Variants in L3MBTL4 observed in about 807,000 individuals in gnomAD.
L3MBTL4 encodes lethal(3)malignant brain tumor-like protein 4.
In L3MBTL4, 70 loss-of-function variants were observed where a neutral mutation model predicts 84.5. The observed-to-expected ratio is 0.83, with a 90% CI of 0.68 to 1.01. The LOEUF is 1.01. Ranked by LOEUF, L3MBTL4 falls within the 50% of genes least tolerant of loss-of-function variation. The pLI is 0.00. For synonymous variants in L3MBTL4, 274 were observed against 259.8 expected, an observed-to-expected ratio of 1.05 and a Z score of -0.52; for missense variants, 715 against 754.8, an observed-to-expected ratio of 0.95 and a Z score of 0.62.
intron 12 of L3MBTL4, among the ~76,000 whole-genome samples, chr18:6,198,832 A>G (rs1286555087): frequency 6.6e-6 from 1 of 152,206 alleles, no homozygotes; most frequent in African/African-American, 2.4e-5. Flanking sequence ...CTGAACTCAG[A>G]CATGTTCTCT....
intron 14 of L3MBTL4, among the ~76,000 whole-genome samples, chr18:6,119,172 G>A (rs1298585604): frequency 1.4e-5 from 2 of 146,494 alleles, no homozygotes; most frequent in Non-Finnish European, 3.0e-5. Flanking sequence ...GAGAGCACTG[G>A]TTTATTTGCC....
intron 12 of L3MBTL4, among the ~76,000 whole-genome samples, chr18:6,181,693 T>A (rs1000647167): frequency 2.0e-5 from 3 of 151,442 alleles, no homozygotes; most frequent in African/African-American, 7.4e-5. Context: ...GGCCCCAGCA[T>A]CTCTTGTTCT....
At chr18:5,956,482 C>T in intron 18 of L3MBTL4, 95 bp from the exon 19 acceptor site, 1 of 1,122,194 alleles carries the variant, frequency 8.9e-7, no homozygotes, top group Admixed American at 1.9e-5. Flanking sequence ...GATGTGGAAC[C>T]CGTCATAGCC....
At chr18:6,170,669 C>A (rs1161912002) in intron 13 of L3MBTL4, among the ~76,000 whole-genome samples, 1 of 152,094 alleles carries the variant, frequency 6.6e-6, no homozygotes, top group Non-Finnish European at 1.5e-5. Flanking sequence ...CTGGTCCACG[C>A]CTACCCCAGC....
intron 4 of L3MBTL4, among the ~76,000 whole-genome samples, chr18:6,279,232 A>G (rs1482877398): frequency 6.6e-6 from 1 of 152,200 alleles, no homozygotes; most frequent in Admixed American, 6.5e-5. Context: ...GAGAGTGAAG[A>G]ATTGATAAAA....
At chr18:6,332,333 T>C (rs1012409943) in intron 1 of L3MBTL4, among the ~76,000 whole-genome samples, 2 of 152,148 alleles carry the variant, frequency 1.3e-5, no homozygotes, top group African/African-American at 2.4e-5. Flanking sequence ...GGGCTGCTCA[T>C]AGAATACAAT....
chr18:6,414,510 G>T lies in L3MBTL4; in HGVS notation c.-91+291C>A, dbSNP rs929011303. Among the ~76,000 whole-genome samples the T allele has an allele frequency of 6.6e-6, 1 of 152,106 alleles. No homozygotes were observed. Among genetic ancestry groups the T allele is most frequent in the African/African-American group, 2.4e-5 (1 of 41,534 alleles). ...CCCGACCCTGCCCTCGCGGCTGACCGAGGCGCCGGGCTCTGCGGCGGCCGC... is the reference window on the plus strand; with the variant it reads ...CCCGACCCTGCCCTCGCGGCTGACCTAGGCGCCGGGCTCTGCGGCGGCCGC... On this transcript the variant is annotated intron_variant, in intron 1 of 18. Coordinates refer to ENST00000317931, the MANE Select transcript of L3MBTL4 (RefSeq NM_001330559.2). This position sits in a 1 kb window ranked among gnomAD's most constrained non-coding sequence, Gnocchi z 5.4.
chr18:6,357,825 A>T (rs956488013), intron 1 of L3MBTL4, among the ~76,000 whole-genome samples: 4 of 152,230 alleles, frequency 2.6e-5, no homozygotes, highest in African/African-American at 7.2e-5. Context: ...AGCTATCACA[A>T]TGAAATTACT....
At chr18:6,259,084 G>T (rs1296192761) in intron 5 of L3MBTL4, 1 of 152,268 alleles carries the variant, frequency 6.6e-6, no homozygotes, top group Non-Finnish European at 1.5e-5. Context: ...GGGGAAGCAG[G>T]TGTGCACCTG....
rs1568418311 is a variant in L3MBTL4 at position 6,272,389 on chromosome 18, ACGGGGAAAGGGGGAG to A, written c.128-8366_128-8352del. The stretch of plus-strand genomic sequence containing the variant: ...AGGTCACAGCGACGCCTTCAGGAGC[ACGGGGAAAGGGGGAG>A]TTGTGCAGATTCAACTAGGACTGAA... On this transcript the variant is annotated intron_variant, in intron 4 of 18. Coordinates refer to ENST00000317931, the MANE Select transcript of L3MBTL4 (RefSeq NM_001330559.2). 5.3e-4 allele frequency among the ~76,000 whole-genome samples: 79 copies of A among 149,724 alleles called. 1 individual carries two copies. Among genetic ancestry groups the A allele is most frequent in the Middle Eastern group, 3.8e-3 (1 of 260 alleles).
At chr18:6,214,688 T>C (rs2046251564) in intron 11 of L3MBTL4, among the ~76,000 whole-genome samples, 2 of 152,210 alleles carry the variant, frequency 1.3e-5, no homozygotes, top group Non-Finnish European at 2.9e-5. Context: ...ATTAGGTCTT[T>C]CATCCCGGAG....
chr18:5,987,421 C>T (rs1349864066), intron 16 of L3MBTL4, among the ~76,000 whole-genome samples: 1 of 152,250 alleles, frequency 6.6e-6, no homozygotes, highest in East Asian at 1.9e-4. Flanking sequence ...GGAATGTACT[C>T]GCAAACCCCA....
intron 5 of L3MBTL4, chr18:6,259,417 G>A (rs764319454): frequency 1.3e-5 from 2 of 152,160 alleles, no homozygotes; most frequent in African/African-American, 2.4e-5. Flanking sequence ...ATTCTGGCTT[G>A]TGTGAGATGG....
intron 12 of L3MBTL4, among the ~76,000 whole-genome samples, chr18:6,205,614 T>C (rs756458341): frequency 5.9e-5 from 9 of 152,204 alleles, no homozygotes; most frequent in Non-Finnish European, 1.2e-4. Flanking sequence ...AATCTACTCA[T>C]CCTCTTCTCA....
intron 16 of L3MBTL4, among the ~76,000 whole-genome samples, chr18:5,983,862 G>A (rs2053348902): frequency 6.6e-6 from 1 of 152,178 alleles, no homozygotes; most frequent in Non-Finnish European, 1.5e-5. Context: ...ATGATACAGT[G>A]AGGCTTCATT....
chr18:6,145,394 G>A (rs1257566400), intron 13 of L3MBTL4, among the ~76,000 whole-genome samples: 1 of 151,956 alleles, frequency 6.6e-6, no homozygotes. Context: ...GACGCCCATA[G>A]CACAGTGATA....
chr18:6,389,656 T>G (rs1345576645), intron 1 of L3MBTL4, among the ~76,000 whole-genome samples: 1 of 152,136 alleles, frequency 6.6e-6, no homozygotes, highest in Non-Finnish European at 1.5e-5. Flanking sequence ...TAGCTATCCT[T>G]ACATCAGACA....
chr18:6,304,229 T>C (rs1023182189), intron 3 of L3MBTL4, among the ~76,000 whole-genome samples: 3 of 152,204 alleles, frequency 2.0e-5, no homozygotes, highest in African/African-American at 7.2e-5. Flanking sequence ...ATTTGTATAG[T>C]AACAAAATGT....
intron 13 of L3MBTL4, among the ~76,000 whole-genome samples, chr18:6,146,861 G>GGGGC (rs1294663668): frequency 2.0e-5 from 3 of 152,126 alleles, no homozygotes; most frequent in African/African-American, 7.2e-5. Flanking sequence ...GATGAGCAGT[G>GGGGC]GGGCGATCAG....
Sources: gnomAD v4.1 joint callset for allele counts (sites outside exome capture counted in the v4.1 genomes callset) on GRCh38, gnomAD v4.1.1 for gene constraint, Gnocchi (gnomAD v3.1) non-coding constraint, MANE v1.5 for transcripts, NCBI Gene and HGNC (gene_info 2026-07-23, HGNC 2026-07-21) for gene names.